RICTOR: variants seen among roughly 807,000 people sequenced by gnomAD.
RICTOR encodes RPTOR independent companion of MTOR complex 2, also known as rapamycin-insensitive companion of mTOR.
Under a neutral mutation model 214.9 loss-of-function variants are expected in RICTOR, and 49 were observed. The observed-to-expected ratio is 0.23, with a 90% CI of 0.18 to 0.29. RICTOR has a LOEUF of 0.29. Among genes scored for constraint, RICTOR ranks in the 10% least tolerant of loss-of-function variants. RICTOR has a pLI of 1.00. For synonymous variants in RICTOR, 717 were observed against 711.3 expected (o/e 1.01, Z -0.13); for missense variants, 1,625 against 2,047.0 (o/e 0.79, Z 3.98).
At position 38,990,682 on chromosome 5, in the gene RICTOR, A is replaced by C. The variant is rs1455875182; in HGVS notation, c.583+267T>G. 1.9e-5 allele frequency among the ~76,000 whole-genome samples: 2 copies of C among 103,422 alleles called. 1 individual carries two copies. Among genetic ancestry groups the C allele is most frequent in the Non-Finnish European group, 4.0e-5 (2 of 50,146 alleles). The allele number at this position is 103,422 out of a possible 152,430, so 67.8% of individuals were successfully genotyped here. A position where few individuals can be genotyped will look rare whatever the true frequency, so the allele number is the denominator to read the frequency against. ...TATATATCAGATATATATCAGATAT[A>C]TCATATATATGATATATATCAGATA... On this transcript the variant is annotated intron_variant, in intron 7 of 37. Coordinates refer to ENST00000357387, the MANE Select transcript of RICTOR (RefSeq NM_152756.5).
intron 10 of RICTOR, among the ~76,000 whole-genome samples, chr5:38,974,847 T>C (rs1751077880): frequency 6.6e-6 from 1 of 152,218 alleles, no homozygotes; most frequent in Non-Finnish European, 1.5e-5. Context: ...TAGGGTTACC[T>C]AGGTACACAG....
chr5:38,967,427 T>A lies in RICTOR; in HGVS notation c.1061A>T (p.Asp354Val). 6.2e-7 allele frequency: 1 copy of A among 1,605,124 alleles called. No homozygotes were observed. Among genetic ancestry groups the A allele is most frequent in the Non-Finnish European group, 8.5e-7 (1 of 1,174,176 alleles). The change falls in exon 13 of 38, where the codon GAT becomes GTT. Residue 354 changes from aspartate to valine, a missense_variant and splice_region_variant. Physicochemically the swap from Asp to Val is radical, Grantham distance 152 (BLOSUM62 -3). This residue lies in a region of RICTOR where 258 missense variants were observed against 393.7 expected (regional missense o/e 0.66). Transcript: ENST00000357387. ...CCAACTGTCTTGGAACCTCCCTGGA[T>A]CTAAATTAGTTAAAATATGGTAGGG... ...EEFIEALLSVDPGRFQDSWRL... is the reference protein window; with the variant it reads ...EEFIEALLSVVPGRFQDSWRL...
In RICTOR at chr5:38,955,600, G is replaced by A. The variant is rs763872497; in HGVS notation, c.2604C>T (p.Asn868=). The A allele has an allele frequency of 6.4e-7, 1 of 1,567,976 alleles. No homozygotes were observed. The highest frequency in any genetic ancestry group is 8.8e-7 in the Non-Finnish European group (1 of 1,138,338). The change falls in exon 26 of 38, where the codon AAC becomes AAT. Residue 868 remains asparagine, a synonymous_variant. Coordinates refer to ENST00000357387, the MANE Select transcript of RICTOR (RefSeq NM_152756.5). ...TCTGATAACTGGGTACGCACCTTTG[G>A]TTACTCCGACGAACATAGTTATCAC... ...VDGDNYVRRS[N]QRLQRPHVYL... is the part of the protein sequence containing the mutation.
At chr5:38,964,590 T>C (rs1436419374) in intron 16 of RICTOR, among the ~76,000 whole-genome samples, 1 of 151,880 alleles carries the variant, frequency 6.6e-6, no homozygotes, top group Non-Finnish European at 1.5e-5. Flanking sequence ...AAAAAGTGAT[T>C]TTATTACACT....
At chr5:39,054,202 T>C (rs1182000260) in intron 2 of RICTOR, among the ~76,000 whole-genome samples, 1 of 151,648 alleles carries the variant, frequency 6.6e-6, no homozygotes, top group African/African-American at 2.4e-5. Flanking sequence ...ACAAAGAACA[T>C]ATGAATAAAA....
At chr5:38,964,019 T>C (rs1236657521) in intron 16 of RICTOR, among the ~76,000 whole-genome samples, 1 of 151,854 alleles carries the variant, frequency 6.6e-6, no homozygotes, top group Non-Finnish European at 1.5e-5. Context: ...TTTTCAAAAA[T>C]GTACTATAAC....
intron 25 of RICTOR, among the ~76,000 whole-genome samples, chr5:38,956,132 A>T (rs192618729): frequency 6.6e-5 from 10 of 152,176 alleles, no homozygotes; most frequent in Admixed American, 6.5e-4. Context: ...CTTATTTTGA[A>T]AATACCCAGA....
At chr5:39,010,646 T>A (rs540283693) in intron 3 of RICTOR, among the ~76,000 whole-genome samples, 1 of 152,122 alleles carries the variant, frequency 6.6e-6, no homozygotes, top group African/African-American at 2.4e-5. Flanking sequence ...GAGGAACTTG[T>A]TGGGAACTGG....
intron 3 of RICTOR, among the ~76,000 whole-genome samples, chr5:39,008,735 C>T (rs549005762): frequency 1.6e-4 from 25 of 151,528 alleles, no homozygotes; most frequent in Non-Finnish European, 2.5e-4. Context: ...AAAAAAACTG[C>T]CCATTTCAAA....
chr5:39,063,952 C>A (rs1215933741), intron 2 of RICTOR, among the ~76,000 whole-genome samples: 1 of 152,040 alleles, frequency 6.6e-6, no homozygotes, highest in Non-Finnish European at 1.5e-5. Context: ...ATGTTTAAAG[C>A]ATTAGAATAT....
Position 38,941,541 on chromosome 5 carries a change from A to G in RICTOR, c.*763T>C. 4.3e-6 allele frequency: 1 copy of G among 231,252 alleles called. No individual in the cohort carries two copies. Among genetic ancestry groups the G allele is most frequent in the Non-Finnish European group, 8.6e-6 (1 of 116,610 alleles). The allele number at this position is 231,252 out of a possible 1,614,324, so 14.3% of individuals were successfully genotyped here. A position where few individuals can be genotyped will look rare whatever the true frequency, so the allele number is the denominator to read the frequency against. On this transcript the variant is annotated 3_prime_UTR_variant, in exon 38 of 38. Coordinates refer to ENST00000357387, the MANE Select transcript of RICTOR (RefSeq NM_152756.5). ...CAAATATATGCATTCTATAAATGGG[A>G]AATATTTTTAATTAAAATAAAAAAT...
chr5:38,974,630 T>G (rs1751057159), intron 10 of RICTOR, among the ~76,000 whole-genome samples: 1 of 152,182 alleles, frequency 6.6e-6, no homozygotes, highest in African/African-American at 2.4e-5. Context: ...AAAAAAAGTA[T>G]GTATGACTGT....
At chr5:38,985,773 G>A (rs1752120164) in intron 7 of RICTOR, among the ~76,000 whole-genome samples, 1 of 151,484 alleles carries the variant, frequency 6.6e-6, no homozygotes, top group South Asian at 2.1e-4. Flanking sequence ...TCGGCTCACT[G>A]CAACCTCCGC....
At position 38,990,653 on chromosome 5, in the gene RICTOR, A is replaced by ATATATC. The variant is rs1361515919; in HGVS notation, c.583+295_583+296insGATATA. Among the ~76,000 whole-genome samples, 32 of 52,304 alleles carry ATATATC rather than the reference A, an allele frequency of 6.1e-4. 2 individuals are homozygous for ATATATC. The highest frequency in any genetic ancestry group is 1.5e-3 in the African/African-American group (25 of 16,376). The allele number at this position is 52,304 out of a possible 152,430, so 34.3% of individuals were successfully genotyped here. A position where few individuals can be genotyped will look rare whatever the true frequency, so the allele number is the denominator to read the frequency against. ...TATATATCTGACATATATCAGATAT[A>ATATATC]TGATATATATCAGATATATATCAGA... On this transcript the variant is annotated intron_variant, in intron 7 of 37. Transcript: ENST00000357387.
intron 7 of RICTOR, among the ~76,000 whole-genome samples, chr5:38,982,396 T>A (rs1751781903): frequency 1.3e-5 from 2 of 152,228 alleles, no homozygotes; most frequent in African/African-American, 4.8e-5. Flanking sequence ...AAATGGTGTA[T>A]TTCATTTCTC....
chr5:38,958,445 C>T lies in RICTOR; in HGVS notation c.2418G>A (p.Leu806=), dbSNP rs1349332499. 6.3e-7 allele frequency: 1 copy of T among 1,598,528 alleles called. No individual in the cohort carries two copies. Among genetic ancestry groups the T allele is most frequent in the Non-Finnish European group, 8.6e-7 (1 of 1,165,978 alleles). ...HLGDKGLLLL[L]RFLSIPKGFS... is the part of the protein sequence containing the mutation. ...CAGAAAATTTACTTAAAATTTACCT[C>T]AGCAGGAGAAGCAAACCCTTGTCTC... Residue 806 remains leucine, a splice_region_variant and synonymous_variant, in exon 24 of 38, where the codon CTG becomes CTA. Coordinates refer to ENST00000357387, the MANE Select transcript of RICTOR (RefSeq NM_152756.5).
At position 38,978,738 on chromosome 5, in the gene RICTOR, C is replaced by G. The variant is rs76692416; in HGVS notation, c.754-88G>C. The G allele has an allele frequency of 9.0e-3, 5,667 of 632,102 alleles. 246 individuals carry two copies. In the East Asian group the frequency reaches 0.1, roughly 11 times the overall value. The allele number at this position is 632,102 out of a possible 1,614,324, so 39.2% of individuals were successfully genotyped here. On this transcript the variant is annotated intron_variant, in intron 8 of 37. Coordinates refer to ENST00000357387, the MANE Select transcript of RICTOR (RefSeq NM_152756.5). ...ATGGAATGTAACATTCCATTTCTCT[C>G]TATCTTTAATGGGTTTACTGCTTGG...
intron 19 of RICTOR, among the ~76,000 whole-genome samples, chr5:38,961,149 T>TA (rs950910248): frequency 1.7e-4 from 26 of 151,466 alleles, no homozygotes; most frequent in African/African-American, 5.1e-4. Flanking sequence ...AACCTTCATT[T>TA]AAAAAAAAAT....
chr5:38,952,917 T>C (rs868637757), intron 29 of RICTOR, 68 bp downstream of exon 29: 1 of 893,918 alleles, frequency 1.1e-6, no homozygotes, highest in African/African-American at 1.7e-5. Flanking sequence ...CATAAAATAC[T>C]TTCCCCTAAC....
Sources: allele counts gnomAD v4.1 joint callset (sites outside exome capture counted in the v4.1 genomes callset), GRCh38; gene constraint gnomAD v4.1.1; regional missense constraint gnomAD v4.1.1; transcripts MANE v1.5; gene names NCBI Gene and HGNC (gene_info 2026-07-23, HGNC 2026-07-21).